CHRM3: variants seen among roughly 807,000 people sequenced by gnomAD.
CHRM3 encodes cholinergic receptor muscarinic 3, also known as muscarinic acetylcholine receptor M3.
In CHRM3, 11 loss-of-function variants were observed where a neutral mutation model predicts 41.8. That is an observed-to-expected ratio of 0.26 (90% CI 0.17 to 0.44). The LOEUF is 0.44. Among genes scored for constraint, CHRM3 ranks in the 20% least tolerant of loss-of-function variants. The probability of loss-of-function intolerance (pLI) is 1.00; values close to 1 mark genes in which losing one functional copy is unlikely to be tolerated. For synonymous variants in CHRM3, 297 were observed against 301.4 expected (o/e 0.99, Z 0.15); for missense variants, 571 against 745.4 (o/e 0.77, Z 2.72).
intron 3 of CHRM3, among the ~76,000 whole-genome samples, chr1:239,599,143 T>A (rs959062214): frequency 1.3e-5 from 2 of 152,142 alleles, no homozygotes; most frequent in Non-Finnish European, 2.9e-5. Flanking sequence ...CTCGACTTCT[T>A]TGTCTCTTAT....
chr1:239,759,012 A>C (rs947313718), intron 5 of CHRM3, among the ~76,000 whole-genome samples: 2 of 152,162 alleles, frequency 1.3e-5, no homozygotes, highest in African/African-American at 4.8e-5. Flanking sequence ...TCTTATAATC[A>C]GGTACTTGAT....
chr1:239,860,994 A>C (rs1319208588), intron 6 of CHRM3, among the ~76,000 whole-genome samples: 1 of 152,200 alleles, frequency 6.6e-6, no homozygotes, highest in East Asian at 1.9e-4. Flanking sequence ...TTAAAGACCA[A>C]AGAAATGTAA....
At chr1:239,882,302 C>T (rs1677711333) in intron 6 of CHRM3, among the ~76,000 whole-genome samples, 1 of 152,116 alleles carries the variant, frequency 6.6e-6, no homozygotes, top group African/African-American at 2.4e-5. Flanking sequence ...GCCTCTCTGG[C>T]GTGCAGGTGA....
chr1:239,553,391 CA>C (rs2148454033), intron 3 of CHRM3, among the ~76,000 whole-genome samples: 1 of 152,094 alleles, frequency 6.6e-6, no homozygotes, highest in East Asian at 1.9e-4. Context: ...AATGTGCATA[CA>C]AATGAGAATC....
chr1:239,844,632 C>G (rs1674114919), intron 6 of CHRM3, among the ~76,000 whole-genome samples: 1 of 152,120 alleles, frequency 6.6e-6, no homozygotes, highest in African/African-American at 2.4e-5. Context: ...TAATCTTTAC[C>G]TAGGGTTTAT....
intron 4 of CHRM3, among the ~76,000 whole-genome samples, chr1:239,648,235 T>C (rs933907727): frequency 1.3e-5 from 2 of 152,208 alleles, no homozygotes; most frequent in Admixed American, 6.5e-5. Flanking sequence ...TTAATAGTTT[T>C]CACTGATGCT....
chr1:239,646,778 C>A (rs370840158), intron 4 of CHRM3, among the ~76,000 whole-genome samples: 3 of 152,088 alleles, frequency 2.0e-5, no homozygotes, highest in East Asian at 1.9e-4. Context: ...ACTTAAGGAA[C>A]TTTGATTTTA....
intron 6 of CHRM3, among the ~76,000 whole-genome samples, chr1:239,852,484 A>G (rs1026453927): frequency 2.0e-5 from 3 of 152,182 alleles, no homozygotes; most frequent in Non-Finnish European, 4.4e-5. Flanking sequence ...AATTTCAGAT[A>G]CAAGCAATAC....
At chr1:239,461,479 G>A (rs1314137139) in intron 1 of CHRM3, among the ~76,000 whole-genome samples, 1 of 152,074 alleles carries the variant, frequency 6.6e-6, no homozygotes, top group Non-Finnish European at 1.5e-5. Flanking sequence ...GACAACTGGT[G>A]ACTGGCTTTC....
rs760400173 is a variant in CHRM3 at position 239,544,448 on chromosome 1, A to G, written c.-421-1193A>G. Among the ~76,000 whole-genome samples, 9 of 152,328 alleles carry G rather than the reference A, an allele frequency of 5.9e-5. No homozygotes were observed. In the East Asian group the frequency reaches 1.7e-3, roughly 29 times the overall value. On this transcript the variant is annotated intron_variant, in intron 2 of 6. Coordinates refer to ENST00000676153, the MANE Select transcript of CHRM3 (RefSeq NM_001375978.1). ...GAAATAGAATTCGATCTCTAAATGA[A>G]TTAAACTGACTGCTAACTAGTGTGT...
chr1:239,588,401 C>G (rs1303924684), intron 3 of CHRM3, among the ~76,000 whole-genome samples: 1 of 152,134 alleles, frequency 6.6e-6, no homozygotes, highest in Non-Finnish European at 1.5e-5. Flanking sequence ...GTATGGCATG[C>G]AGGAGACCCT....
At chr1:239,571,493 A>G in intron 3 of CHRM3, among the ~76,000 whole-genome samples, 1 of 152,058 alleles carries the variant, frequency 6.6e-6, no homozygotes, top group East Asian at 1.9e-4. Flanking sequence ...GCAGTCTTGG[A>G]GATGCATATA....
chr1:239,695,840 AACTTT>A (rs1369474756), intron 5 of CHRM3, among the ~76,000 whole-genome samples: 1 of 152,174 alleles, frequency 6.6e-6, no homozygotes, highest in African/African-American at 2.4e-5. Context: ...ACAGTTATTT[AACTTT>A]ACTTGTTTGG....
At chr1:239,697,210 A>G (rs576711050) in intron 5 of CHRM3, among the ~76,000 whole-genome samples, 13 of 152,254 alleles carry the variant, frequency 8.5e-5, no homozygotes, top group African/African-American at 2.9e-4. Context: ...GTGGGAGGTA[A>G]TTGAATCATG....
rs1669994927 is a variant in CHRM3 at position 239,632,824 on chromosome 1, T to C, written c.-250+538T>C. On this transcript the variant is annotated intron_variant, in intron 4 of 6. Transcript: ENST00000676153. The stretch of plus-strand genomic sequence containing the variant: ...TACCCTAAATCCAATCCCCCTGTAT[T>C]AGTCCCTTCTCATACAGCTATAAAA... 2.6e-5 allele frequency among the ~76,000 whole-genome samples: 4 copies of C among 152,346 alleles called. No individual in the cohort carries two copies. In the South Asian group the frequency reaches 8.3e-4, roughly 32 times the overall value.
At chr1:239,874,311 A>C (rs1452739869) in intron 6 of CHRM3, among the ~76,000 whole-genome samples, 1 of 124,900 alleles carries the variant, frequency 8.0e-6, no homozygotes, top group East Asian at 2.2e-4. Context: ...ATATATATAT[A>C]TATATATATA....
At chr1:239,714,555 C>T (rs932876862) in intron 5 of CHRM3, among the ~76,000 whole-genome samples, 2 of 151,948 alleles carry the variant, frequency 1.3e-5, no homozygotes, top group African/African-American at 2.4e-5. Flanking sequence ...AGGCACAGGA[C>T]GGGGAGGAGA....
chr1:239,602,118 A>G (rs1467906069), intron 3 of CHRM3, among the ~76,000 whole-genome samples: 23 of 47,948 alleles, frequency 4.8e-4, no homozygotes, highest in African/African-American at 9.0e-4. Context: ...GTGTATATAT[A>G]TATATATATA....
At chr1:239,590,849 A>T (rs925518526) in intron 3 of CHRM3, among the ~76,000 whole-genome samples, 1 of 152,190 alleles carries the variant, frequency 6.6e-6, no homozygotes, top group African/African-American at 2.4e-5. Context: ...GATAAAAGAC[A>T]AGAGACTCAC....
Sources: allele counts gnomAD v4.1 joint callset (sites outside exome capture counted in the v4.1 genomes callset), GRCh38; gene constraint gnomAD v4.1.1; transcripts MANE v1.5; gene names NCBI Gene and HGNC (gene_info 2026-07-23, HGNC 2026-07-21).